Variants in GRIK4 observed in about 807,000 individuals in gnomAD.
GRIK4 encodes the protein glutamate ionotropic receptor kainate type subunit 4.
GRIK4 carries 40 observed loss-of-function variants against 104.9 expected under a neutral mutation model. The observed-to-expected ratio is 0.38, with a 90% confidence interval of 0.30 to 0.50. The LOEUF is 0.50. Ranked by LOEUF, GRIK4 falls within the 20% of genes least tolerant of loss-of-function variation. The probability of loss-of-function intolerance (pLI) is 0.93; values close to 1 mark genes in which losing one functional copy is unlikely to be tolerated. For synonymous variants in GRIK4, 485 were observed against 524.9 expected (o/e 0.92, Z 1.04); for missense variants, 1,047 against 1,308.1 (o/e 0.80, Z 3.08).
At chr11:120,775,358 C>A (rs1385720885) in intron 3 of GRIK4, among the ~76,000 whole-genome samples, 4 of 152,176 alleles carry the variant, frequency 2.6e-5, no homozygotes, top group Non-Finnish European at 4.4e-5. Flanking sequence ...AGAGACACAG[C>A]TGGGTTGGGC....
chr11:120,859,017 G>C (rs1458902172), intron 8 of GRIK4: 1 of 152,220 alleles, frequency 6.6e-6, no homozygotes, highest in Non-Finnish European at 1.5e-5. Context: ...GCCTTTGAAA[G>C]TTGCATAGAA....
At chr11:120,879,035 C>T (rs1954892995) in intron 11 of GRIK4, among the ~76,000 whole-genome samples, 1 of 152,224 alleles carries the variant, frequency 6.6e-6, no homozygotes, top group African/African-American at 2.4e-5. Context: ...ATCTTGACGA[C>T]AGCCCTTCAA....
At chr11:120,651,476 A>G (rs149895328) in intron 1 of GRIK4, among the ~76,000 whole-genome samples, 291 of 152,286 alleles carry the variant, frequency 1.9e-3, no homozygotes, top group Middle Eastern at 0.01. Context: ...CAAGACTTGT[A>G]ATTCCTCATT....
chr11:120,908,065 C>T (rs1358865105), intron 13 of GRIK4, among the ~76,000 whole-genome samples: 1 of 152,124 alleles, frequency 6.6e-6, no homozygotes, highest in East Asian at 1.9e-4. Context: ...AAGCAGAGGC[C>T]CATGTGAGGC....
chr11:120,558,361 G>A (rs1417042293), intron 1 of GRIK4, among the ~76,000 whole-genome samples: 1 of 152,230 alleles, frequency 6.6e-6, no homozygotes, highest in African/African-American at 2.4e-5. Flanking sequence ...GCCGAGGTGG[G>A]CGGATCATGA....
At chr11:120,527,031 A>T (rs1947864493) in intron 1 of GRIK4, among the ~76,000 whole-genome samples, 1 of 152,240 alleles carries the variant, frequency 6.6e-6, no homozygotes, top group African/African-American at 2.4e-5. Flanking sequence ...CTCACATTTT[A>T]CAAGTGGGGA....
rs3758885 is a variant in GRIK4 at position 120,970,211 on chromosome 11, C to T, written c.2395+2888C>T. ...CTTCGCACCAGGAGCTGTCCGCTCA[C>T]ACTCAGTTGTTCCTCTGAACAGCTG... On this transcript the variant is annotated intron_variant, in intron 19 of 20. Coordinates refer to ENST00000527524, the MANE Select transcript of GRIK4 (RefSeq NM_014619.5). Among the ~76,000 whole-genome samples the T allele has an allele frequency of 8.5e-5, 13 of 152,322 alleles. No individual in the cohort carries two copies. In the East Asian group the frequency reaches 2.5e-3, roughly 29 times the overall value.
Position 120,988,547 on chromosome 11 carries a change from A to G in GRIK4, c.*2287A>G, listed in dbSNP as rs963704007. 2 of 152,218 alleles carry G rather than the reference A, an allele frequency of 1.3e-5. No homozygotes were observed. The highest frequency in any genetic ancestry group is 2.9e-5 in the Non-Finnish European group (2 of 68,046). 9.4% of individuals were successfully genotyped at this position (152,218 alleles called of 1,614,324 possible). A position where few individuals can be genotyped will look rare whatever the true frequency, so the allele number is the denominator to read the frequency against. ...TCTGTTTCTTTCTCCGTGTGGAATC[A>G]AGATAAGACTGCCAGCACTAGACGG... On this transcript the variant is annotated 3_prime_UTR_variant, in exon 21 of 21. Coordinates refer to ENST00000527524, the MANE Select transcript of GRIK4 (RefSeq NM_014619.5).
At chr11:120,892,927 C>T (rs983149792) in intron 11 of GRIK4, among the ~76,000 whole-genome samples, 32 of 152,080 alleles carry the variant, frequency 2.1e-4, no homozygotes, top group African/African-American at 7.2e-4. Flanking sequence ...AGACAGCAGT[C>T]GTAATAGGAG....
At chr11:120,832,337 G>A (rs905423657) in intron 7 of GRIK4, among the ~76,000 whole-genome samples, 1 of 152,186 alleles carries the variant, frequency 6.6e-6, no homozygotes, top group African/African-American at 2.4e-5. Context: ...GGAGGGGCTA[G>A]GGTGGGGCAC....
intron 8 of GRIK4, among the ~76,000 whole-genome samples, chr11:120,846,284 A>C (rs1047946200): frequency 5.9e-5 from 9 of 152,234 alleles, no homozygotes; most frequent in Admixed American, 2.0e-4. Context: ...ACCATCAACT[A>C]CACTGAGTCA....
chr11:120,652,759 C>T (rs1179150202), intron 1 of GRIK4, among the ~76,000 whole-genome samples: 1 of 152,188 alleles, frequency 6.6e-6, no homozygotes, highest in Non-Finnish European at 1.5e-5. Context: ...AGCCTCCTCT[C>T]TGACCCACCT....
chr11:120,514,578 C>A (rs73584200), intron 1 of GRIK4, among the ~76,000 whole-genome samples: 1 of 152,042 alleles, frequency 6.6e-6, no homozygotes, highest in East Asian at 1.9e-4. Flanking sequence ...GATGGCTCAC[C>A]GTTTTCACCC....
At chr11:120,643,495 G>A (rs1949498243) in intron 1 of GRIK4, among the ~76,000 whole-genome samples, 1 of 152,206 alleles carries the variant, frequency 6.6e-6, no homozygotes, top group Non-Finnish European at 1.5e-5. Flanking sequence ...CAGGCCCACC[G>A]CTGATATTGG....
chr11:120,730,970 T>A (rs1951117381), intron 3 of GRIK4, among the ~76,000 whole-genome samples: 1 of 152,220 alleles, frequency 6.6e-6, no homozygotes, highest in African/African-American at 2.4e-5. Context: ...TGGTGGAGTC[T>A]TCAGGTTTTT....
At chr11:120,667,859 G>T (rs1181121045) in intron 3 of GRIK4, among the ~76,000 whole-genome samples, 1 of 152,236 alleles carries the variant, frequency 6.6e-6, no homozygotes, top group Non-Finnish European at 1.5e-5. Flanking sequence ...GACTCGAGAG[G>T]CACTGTGACT....
chr11:120,947,834 G>A (rs1943899448), intron 14 of GRIK4, among the ~76,000 whole-genome samples: 1 of 152,138 alleles, frequency 6.6e-6, no homozygotes, highest in Admixed American at 6.5e-5. Flanking sequence ...GAAGTTGAGT[G>A]ACTTGCCTAG....
At position 120,512,177 on chromosome 11, in the gene GRIK4, G is replaced by T. The variant is rs1047036809; in HGVS notation, c.-159+290G>T. ...CCGTAGTTCCTCCAGTCTTCACCCC[G>T]GTCCGTCTCCCTCCCTCCGCATCCC... On this transcript the variant is annotated intron_variant, in intron 1 of 20. Transcript: ENST00000527524. 6.0e-5 allele frequency among the ~76,000 whole-genome samples: 9 copies of T among 150,956 alleles called. 1 individual carries two copies. The highest frequency in any genetic ancestry group is 2.4e-5 in the African/African-American group (1 of 41,004).
intron 1 of GRIK4, among the ~76,000 whole-genome samples, chr11:120,548,595 A>G (rs903512449): frequency 2.8e-5 from 4 of 142,090 alleles, no homozygotes; most frequent in African/African-American, 7.4e-5. Flanking sequence ...CTGGGTTTTA[A>G]GAGAGTGAAT....
Sources: allele counts gnomAD v4.1 joint callset (sites outside exome capture counted in the v4.1 genomes callset), GRCh38; gene constraint gnomAD v4.1.1; transcripts MANE v1.5; gene names NCBI Gene and HGNC (gene_info 2026-07-23, HGNC 2026-07-21).